Variants in CELSR1 observed in about 807,000 individuals in gnomAD.
CELSR1 encodes adhesion G protein-coupled receptor C1.
Under a neutral mutation model 249.1 loss-of-function variants are expected in CELSR1, and 110 were observed. That is an observed-to-expected ratio of 0.44 (90% CI 0.38 to 0.52). The LOEUF is 0.52. Ranked by LOEUF, CELSR1 falls within the 20% of genes least tolerant of loss-of-function variation. The pLI is 0.00. For synonymous variants in CELSR1, 2,113 were observed against 1,900.0 expected, an observed-to-expected ratio of 1.11 and a Z score of -2.92; for missense variants, 4,109 against 4,296.4, an observed-to-expected ratio of 0.96 and a Z score of 1.22.
Position 46,409,016 on chromosome 22 carries a change from G to A in CELSR1, c.5206C>T (p.Pro1736Ser), listed in dbSNP as rs1039598928. ...SVLMEATSGG[P>S]TSFRLQILNN... is the part of the protein sequence containing the mutation. ...GTCACCTGGAGGCGAAAGCTGGTGG[G>A]CCCACCACTGGTGGCCTCCATCAGA... The change falls in exon 9 of 35, where the codon CCC becomes TCC. Residue 1736 changes from proline to serine, a missense_variant. Physicochemically the swap from Pro to Ser is moderately conservative, Grantham distance 74. Coordinates refer to ENST00000674500, the MANE Select transcript of CELSR1 (RefSeq NM_001378328.1). The surrounding 1 kb of genome is among the most constrained non-coding windows in gnomAD (Gnocchi z 9.8). 1 of 1,610,224 alleles carries A rather than the reference G, an allele frequency of 6.2e-7. No homozygotes were observed. Among genetic ancestry groups the A allele is most frequent in the South Asian group, 1.1e-5 (1 of 90,460 alleles).
Position 46,473,155 on chromosome 22 carries a change from G to A in CELSR1, c.3545-8810C>T, listed in dbSNP as rs1395970614. On this transcript the variant is annotated intron_variant, in intron 1 of 34. Transcript: ENST00000674500. This position sits in a 1 kb window ranked among gnomAD's most constrained non-coding sequence, Gnocchi z 6.6. ...GGGGGTGGCTGAAGGAGAAATGTCC[G>A]CAGAGGGGTGGACAGGACCCACGCA... Among the ~76,000 whole-genome samples the A allele has an allele frequency of 2.6e-5, 4 of 152,126 alleles. No homozygotes were observed. The highest frequency in any genetic ancestry group is 7.2e-5 in the African/African-American group (3 of 41,428).
rs1354377185 is a variant in CELSR1, at chr22:46,536,565, G to A, written c.606C>T (p.Ala202=). The A allele has an allele frequency of 3.8e-6, 5 of 1,315,774 alleles. No individual in the cohort carries two copies. In the African/African-American group the frequency reaches 4.7e-5, roughly 12 times the overall value. 81.5% of individuals were successfully genotyped at this position (1,315,774 alleles called of 1,614,324 possible). A position where few individuals can be genotyped will look rare whatever the true frequency, so the allele number is the denominator to read the frequency against. The change falls in exon 1 of 35, where the codon GCC becomes GCT. Residue 202 remains alanine (A), a synonymous_variant. Transcript: ENST00000674500. ...GAVRVGLALE[A]ATAGTPSASP... is the part of the protein sequence containing the mutation. ...ACGCGGAGGGCGTCCCCGCGGTGGC[G>A]GCCTCCAGCGCCAGTCCCACCCGGA...
At position 46,534,530 on chromosome 22, in the gene CELSR1, G is replaced by A. The variant is rs1433424021; in HGVS notation, c.2641C>T (p.Leu881Phe). Residue 881 changes from leucine to phenylalanine, a missense_variant, in exon 1 of 35, where the codon CTC becomes TTC. Transcript: ENST00000674500. The surrounding 1 kb of genome is among the most constrained non-coding windows in gnomAD (Gnocchi z 9.7). Reference sequence around the variant, plus strand: ...GCATTGTCATTGGCATCGAGGATGAGGATCTCTAGGGTGGTGGTGTCTGAT... The same window carrying A: ...GCATTGTCATTGGCATCGAGGATGAAGATCTCTAGGGTGGTGGTGTCTGAT... ...QKSDTTTLEI[L>F]ILDANDNAPQ... 6.2e-7 allele frequency: 1 copy of A among 1,613,468 alleles called. No homozygotes were observed. Among genetic ancestry groups the A allele is most frequent in the Non-Finnish European group, 8.5e-7 (1 of 1,180,042 alleles).
intron 19 of CELSR1, 100 bp downstream of exon 19, chr22:46,386,302 G>C (rs994763474): frequency 8.4e-6 from 11 of 1,305,226 alleles, no homozygotes; most frequent in East Asian, 8.4e-5. Flanking sequence ...ATGGCCAAGG[G>C]GGGGCCGGGA....
intron 17 of CELSR1, 53 bp from the exon 18 acceptor site, chr22:46,389,552 G>T: frequency 1.3e-6 from 2 of 1,557,896 alleles, no homozygotes. Context: ...GCCGCTTTCA[G>T]TCCCTGCTGT....
At position 46,409,208 on chromosome 22, in the gene CELSR1, C is replaced by G. The variant is rs372718582; in HGVS notation, c.5060-46G>C. ...ACCTCAGGTGTCTCCCGAAATCACA[C>G]GGCCGCGGACTTGGCTGCAGGGGCG... On this transcript the variant is annotated intron_variant, in intron 8 of 34. Coordinates refer to ENST00000674500, the MANE Select transcript of CELSR1 (RefSeq NM_001378328.1). The surrounding 1 kb of genome is among the most constrained non-coding windows in gnomAD (Gnocchi z 9.8). The G allele has an allele frequency of 3.8e-6, 6 of 1,596,976 alleles. No homozygotes were observed. The highest frequency in any genetic ancestry group is 5.1e-6 in the Non-Finnish European group (6 of 1,172,856).
chr22:46,384,824 G>GT, intron 19 of CELSR1, 138 bp from the exon 20 acceptor site: 1 of 940,774 alleles, frequency 1.1e-6, no homozygotes, highest in Non-Finnish European at 1.5e-6. Context: ...GAGTCTCGCA[G>GT]TGTCTCCCAG....
chr22:46,444,419 G>C (rs1486055216), intron 2 of CELSR1, among the ~76,000 whole-genome samples: 3 of 152,190 alleles, frequency 2.0e-5, no homozygotes, highest in African/African-American at 7.2e-5. Context: ...TGCCCCCGAG[G>C]GGGGCACCTC....
At chr22:46,470,416 G>A (rs191247332) in intron 1 of CELSR1, among the ~76,000 whole-genome samples, 6 of 151,984 alleles carry the variant, frequency 3.9e-5, no homozygotes, top group Admixed American at 6.6e-5. Context: ...CTTCCTGGGG[G>A]CAGCCCAGGA....
intron 22 of CELSR1, among the ~76,000 whole-genome samples, chr22:46,379,228 C>G (rs80243535): frequency 0.054 from 8,281 of 152,236 alleles, 738 homozygotes; most frequent in African/African-American, 0.19. Context: ...TTTATGGGAA[C>G]TGCCCAGAAG....
In CELSR1 at chr22:46,427,727, C is replaced by A. The variant is rs900812023; in HGVS notation, c.4611+5666G>T. On this transcript the variant is annotated intron_variant, in intron 5 of 34. Coordinates refer to ENST00000674500, the MANE Select transcript of CELSR1 (RefSeq NM_001378328.1). The surrounding 1 kb of genome is among the most constrained non-coding windows in gnomAD (Gnocchi z 4.2). ...TCGTTTCTGTAAGTTGGATTCTGTG[C>A]GTGTAATTGGCACTCAATTAACATG... is the stretch of plus-strand genomic sequence containing the variant. Among the ~76,000 whole-genome samples, 4 of 151,950 alleles carry A rather than the reference C, an allele frequency of 2.6e-5. No individual in the cohort carries two copies. Among genetic ancestry groups the A allele is most frequent in the Non-Finnish European group, 4.4e-5 (3 of 67,998 alleles).
chr22:46,405,679 G>C (rs1056561094), intron 9 of CELSR1, among the ~76,000 whole-genome samples: 4 of 152,128 alleles, frequency 2.6e-5, no homozygotes, highest in African/African-American at 9.7e-5. Context: ...ACCTGACAAG[G>C]TGGGTGGATT....
chr22:46,443,252 G>A (rs1163001934), intron 2 of CELSR1, among the ~76,000 whole-genome samples: 1 of 152,244 alleles, frequency 6.6e-6, no homozygotes, highest in East Asian at 1.9e-4. Context: ...AACCCCGAGG[G>A]CTCACAGGCA....
chr22:46,536,887 C>A lies in CELSR1; in HGVS notation c.284G>T (p.Arg95Leu). 1 of 1,225,286 alleles carries A rather than the reference C, an allele frequency of 8.2e-7. No individual in the cohort carries two copies. The highest frequency in any genetic ancestry group is 1.0e-6 in the Non-Finnish European group (1 of 978,646). 75.9% of individuals were successfully genotyped at this position (1,225,286 alleles called of 1,614,324 possible). The stretch of plus-strand genomic sequence containing the variant: ...GCGGCTCAGCGCCGTCGGGGCACTG[C>A]GGGCCACCAAGCGGACTTGCAGCGG... Reference protein sequence around the residue: ...PLPLQVRLVARSAPTALSRRL... With the variant: ...PLPLQVRLVALSAPTALSRRL... Residue 95 changes from arginine to leucine, a missense_variant, in exon 1 of 35, where the codon CGC becomes CTC. Arg to Leu is a moderately radical substitution (Grantham distance 102). Around this residue, in one of 7 missense-constraint regions of CELSR1, gnomAD observed 673 missense variants for 636.8 expected, o/e 1.06. Transcript: ENST00000674500.
At chr22:46,456,385 C>A (rs765176935) in intron 2 of CELSR1, among the ~76,000 whole-genome samples, 1 of 152,128 alleles carries the variant, frequency 6.6e-6, no homozygotes, top group Non-Finnish European at 1.5e-5. Flanking sequence ...ATAGGCCGGG[C>A]ACGGTGGCTC....
At chr22:46,382,697 A>C (rs560838281) in intron 20 of CELSR1, among the ~76,000 whole-genome samples, 1 of 152,318 alleles carries the variant, frequency 6.6e-6, no homozygotes, top group East Asian at 1.9e-4. Context: ...CCATCCGCAC[A>C]ATGGAATATT....
chr22:46,486,007 G>A lies in CELSR1; in HGVS notation c.3545-21662C>T, dbSNP rs372699493. On this transcript the variant is annotated intron_variant, in intron 1 of 34. Coordinates refer to ENST00000674500, the MANE Select transcript of CELSR1 (RefSeq NM_001378328.1). ...GGCCGGAGTGCAGTGGCGTGACCTCGGCTCACTGCAAGCTCCACCTCCCAG... is the reference window on the plus strand; with the variant it reads ...GGCCGGAGTGCAGTGGCGTGACCTCAGCTCACTGCAAGCTCCACCTCCCAG... Among the ~76,000 whole-genome samples, 515 of 144,434 alleles carry A rather than the reference G, an allele frequency of 3.6e-3. 2 individuals carry two copies. Among genetic ancestry groups the A allele is most frequent in the African/African-American group, 0.013 (488 of 38,204 alleles). The allele number at this position is 144,434 out of a possible 152,430, so 94.8% of individuals were successfully genotyped here.
Position 46,517,884 on chromosome 22 carries a change from C to A in CELSR1, c.3544+15743G>T, listed in dbSNP as rs114651970. On this transcript the variant is annotated intron_variant, in intron 1 of 34. Coordinates refer to ENST00000674500, the MANE Select transcript of CELSR1 (RefSeq NM_001378328.1). This position sits in a 1 kb window ranked among gnomAD's most constrained non-coding sequence, Gnocchi z 5.4. ...GTCCCCATATTCTGTTTATTACACA[C>A]CTCCCACGGTGTCCCCTTCCTTTTT... 1.3e-5 allele frequency among the ~76,000 whole-genome samples: 2 copies of A among 148,250 alleles called. No homozygotes were observed. The highest frequency in any genetic ancestry group is 1.4e-4 in the Admixed American group (2 of 14,372).
intron 2 of CELSR1, chr22:46,462,688 T>C (rs974649985): frequency 1.5e-5 from 4 of 261,898 alleles, no homozygotes; most frequent in Non-Finnish European, 2.3e-5. Context: ...ACTGGGACCA[T>C]TGTAAACTCG....
Sources: gnomAD v4.1 joint callset for allele counts (sites outside exome capture counted in the v4.1 genomes callset) on GRCh38, gnomAD v4.1.1 for gene constraint, gnomAD v4.1.1 regional missense constraint, Gnocchi (gnomAD v3.1) non-coding constraint, MANE v1.5 for transcripts, NCBI Gene and HGNC (gene_info 2026-07-23, HGNC 2026-07-21) for gene names.